The following FRMD3 variants were observed in gnomAD, a reference collection of about 807,000 sequenced individuals.
FRMD3 encodes the protein FERM domain-containing protein 3.
FRMD3 carries 33 observed loss-of-function variants against 70.2 expected under a neutral mutation model. That is an observed-to-expected ratio of 0.47 (90% CI 0.36 to 0.63). The LOEUF is 0.63. Ranked by LOEUF, FRMD3 falls within the 20% of genes least tolerant of loss-of-function variation. The pLI is 0.00. For synonymous variants in FRMD3, 279 were observed against 255.9 expected (o/e 1.09, Z -0.86); for missense variants, 632 against 711.4 (o/e 0.89, Z 1.27).
At chr9:83,435,129 G>A (rs1045155490) in intron 1 of FRMD3, among the ~76,000 whole-genome samples, 21 of 152,066 alleles carry the variant, frequency 1.4e-4, no homozygotes, top group South Asian at 2.1e-4. Context: ...GTACCAGGCC[G>A]GAACCCCTTA....
intron 1 of FRMD3, among the ~76,000 whole-genome samples, chr9:83,391,463 T>C (rs1375905755): frequency 6.6e-6 from 1 of 152,194 alleles, no homozygotes; most frequent in Non-Finnish European, 1.5e-5. Context: ...GCCCTCTTCA[T>C]TAGGATGTAC....
chr9:83,443,139 G>C (rs1302394382), intron 1 of FRMD3, among the ~76,000 whole-genome samples: 1 of 152,158 alleles, frequency 6.6e-6, no homozygotes, highest in African/African-American at 2.4e-5. Context: ...CATCTGGTGA[G>C]AGTATGTTTC....
chr9:83,336,545 C>T (rs1823586084), intron 5 of FRMD3, among the ~76,000 whole-genome samples: 1 of 150,172 alleles, frequency 6.7e-6, no homozygotes. Flanking sequence ...CTAGAAGGAA[C>T]CCAGCGGGAT....
intron 13 of FRMD3, among the ~76,000 whole-genome samples, chr9:83,257,944 C>T (rs1832796008): frequency 6.6e-6 from 1 of 152,124 alleles, no homozygotes; most frequent in African/African-American, 2.4e-5. Flanking sequence ...ACTAATATTA[C>T]CTTTTAGTGT....
chr9:83,467,774 C>T (rs946891938), intron 1 of FRMD3: 1 of 1,427,514 alleles, frequency 7.0e-7, no homozygotes, highest in African/African-American at 1.4e-5. Flanking sequence ...TTGAATACTG[C>T]ATTGTTTACC....
intron 1 of FRMD3, among the ~76,000 whole-genome samples, chr9:83,467,432 G>A (rs1269998021): frequency 6.6e-6 from 1 of 152,128 alleles, no homozygotes; most frequent in Non-Finnish European, 1.5e-5. Flanking sequence ...GCCATTAAGT[G>A]GAACTAAAAG....
At chr9:83,410,425 T>C (rs1379157238) in intron 1 of FRMD3, among the ~76,000 whole-genome samples, 1 of 152,222 alleles carries the variant, frequency 6.6e-6, no homozygotes, top group Non-Finnish European at 1.5e-5. Context: ...CCTGCATTAA[T>C]TCTATTAAGA....
chr9:83,375,222 C>T (rs1001148369), intron 2 of FRMD3, among the ~76,000 whole-genome samples: 18 of 152,198 alleles, frequency 1.2e-4, no homozygotes, highest in South Asian at 2.1e-4. Flanking sequence ...ATGTCTGCCA[C>T]GGAGGAGACA....
intron 13 of FRMD3, among the ~76,000 whole-genome samples, chr9:83,270,471 G>C (rs1833498221): frequency 6.6e-6 from 1 of 152,168 alleles, no homozygotes; most frequent in East Asian, 1.9e-4. Flanking sequence ...CTGGTGCCTT[G>C]ACTGTAAAAT....
At chr9:83,563,653 TCAAA>T in the FRMD3 span, among the ~76,000 whole-genome samples, 1 of 152,200 alleles carries the variant, frequency 6.6e-6, no homozygotes, top group South Asian at 2.1e-4. Flanking sequence ...CCTCGCCCTC[TCAAA>T]CATTTTAACT....
In FRMD3 at chr9:83,294,069, C is replaced by A. The variant is rs114472585; in HGVS notation, c.1071-3342G>T. On this transcript the variant is annotated intron_variant, in intron 12 of 13. Transcript: ENST00000304195. ...TCAATGTCTGTGTTTCCTTAAAATT[C>A]ATTTGTTGAAACCTAAACTCCAATG... 1.0e-2 allele frequency among the ~76,000 whole-genome samples: 1,521 copies of A among 152,280 alleles called. 17 individuals are homozygous for A. Among genetic ancestry groups the A allele is most frequent in the African/African-American group, 0.035 (1,443 of 41,562 alleles).
intron 13 of FRMD3, among the ~76,000 whole-genome samples, chr9:83,282,109 A>T (rs1168733711): frequency 9.9e-5 from 15 of 152,224 alleles, no homozygotes; most frequent in Admixed American, 9.8e-4. Flanking sequence ...ATAAGGATGT[A>T]ATCCCAGCTT....
chr9:83,458,497 A>G, intron 1 of FRMD3, among the ~76,000 whole-genome samples: 1 of 152,218 alleles, frequency 6.6e-6, no homozygotes. Context: ...AAATTTACTC[A>G]GCTCAAGACC....
chr9:83,284,058 G>GTTTTTTTTTTT (rs1563993854), intron 13 of FRMD3, among the ~76,000 whole-genome samples: 4 of 79,314 alleles, frequency 5.0e-5, no homozygotes, highest in African/African-American at 1.9e-4. Context: ...AAGCTAGGAT[G>GTTTTTTTTTTT]TTATTTTTTT....
chr9:83,364,903 G>A (rs1824739407), intron 3 of FRMD3, among the ~76,000 whole-genome samples: 1 of 152,198 alleles, frequency 6.6e-6, no homozygotes, highest in African/African-American at 2.4e-5. Flanking sequence ...TTGTATGTAT[G>A]AAATACAATC....
intron 5 of FRMD3, among the ~76,000 whole-genome samples, chr9:83,340,363 C>A (rs905579525): frequency 6.6e-6 from 1 of 152,176 alleles, no homozygotes; most frequent in Non-Finnish European, 1.5e-5. Context: ...AGGAAATGCA[C>A]AATAAGCCCA....
At chr9:83,523,471 T>C (rs982771521) in intron 1 of FRMD3, among the ~76,000 whole-genome samples, 2 of 152,136 alleles carry the variant, frequency 1.3e-5, no homozygotes, top group East Asian at 3.9e-4. Flanking sequence ...TAACAACTGC[T>C]CAATACACTA....
At chr9:83,368,882 T>A (rs1824876852) in intron 3 of FRMD3, among the ~76,000 whole-genome samples, 1 of 151,874 alleles carries the variant, frequency 6.6e-6, no homozygotes, top group African/African-American at 2.4e-5. Flanking sequence ...TTAAACAGAG[T>A]TCGTTTTTGT....
At chr9:83,357,258 TATA>T (rs1824413369) in intron 3 of FRMD3, among the ~76,000 whole-genome samples, 5 of 48,852 alleles carry the variant, frequency 1.0e-4, no homozygotes, top group Non-Finnish European at 1.7e-4. Context: ...TATATATATA[TATA>T]TATATATATA....
Sources: allele counts gnomAD v4.1 joint callset (sites outside exome capture counted in the v4.1 genomes callset), GRCh38; gene constraint gnomAD v4.1.1; transcripts MANE v1.5; gene names NCBI Gene and HGNC (gene_info 2026-07-23, HGNC 2026-07-21).